The following DPP10 variants were observed in gnomAD, a reference collection of about 807,000 sequenced individuals.
The protein encoded by DPP10 is inactive dipeptidyl peptidase 10.
DPP10 carries 33 observed loss-of-function variants against 120.9 expected under a neutral mutation model. That is an observed-to-expected ratio of 0.27 (90% CI 0.21 to 0.37). The LOEUF (loss-of-function observed/expected upper bound fraction) is 0.37. Among genes scored for constraint, DPP10 ranks in the 10% least tolerant of loss-of-function variants. The probability of loss-of-function intolerance (pLI) is 1.00; values close to 1 mark genes in which losing one functional copy is unlikely to be tolerated. For synonymous variants in DPP10, 337 were observed against 326.1 expected, an observed-to-expected ratio of 1.03 and a Z score of -0.36; for missense variants, 816 against 942.8, an observed-to-expected ratio of 0.87 and a Z score of 1.76.
At chr2:115,251,067 G>A (rs1473752742) in intron 1 of DPP10, among the ~76,000 whole-genome samples, 1 of 152,188 alleles carries the variant, frequency 6.6e-6, no homozygotes, top group Non-Finnish European at 1.5e-5. Flanking sequence ...TGTGGGAAGT[G>A]CAGTCAGAAA....
intron 1 of DPP10, among the ~76,000 whole-genome samples, chr2:114,951,535 G>T (rs1697784226): frequency 6.6e-6 from 1 of 152,054 alleles, no homozygotes; most frequent in Non-Finnish European, 1.5e-5. Flanking sequence ...TAAGTTATTA[G>T]ATATAAATCT....
At chr2:115,042,802 A>T (rs1331583258) in intron 1 of DPP10, among the ~76,000 whole-genome samples, 1 of 152,136 alleles carries the variant, frequency 6.6e-6, no homozygotes, top group Non-Finnish European at 1.5e-5. Flanking sequence ...CTATGTTGAT[A>T]TTTCCTTACT....
chr2:114,712,577 G>A (rs1265566737), intron 1 of DPP10, among the ~76,000 whole-genome samples: 3 of 152,114 alleles, frequency 2.0e-5, no homozygotes, highest in African/African-American at 7.2e-5. Flanking sequence ...TTGACATTTA[G>A]AACACCTACT....
At chr2:115,441,794 A>G (rs1224527020) in intron 3 of DPP10, among the ~76,000 whole-genome samples, 1 of 150,560 alleles carries the variant, frequency 6.6e-6, no homozygotes, top group African/African-American at 2.4e-5. Flanking sequence ...CTATGTCAAG[A>G]CAAGTTTCTT....
chr2:114,798,220 C>A (rs895048023), intron 1 of DPP10, among the ~76,000 whole-genome samples: 1 of 151,938 alleles, frequency 6.6e-6, no homozygotes, highest in African/African-American at 2.4e-5. Flanking sequence ...GGGGAGCATT[C>A]ATGGAAAAAT....
intron 1 of DPP10, among the ~76,000 whole-genome samples, chr2:114,663,694 G>A (rs935353785): frequency 6.8e-6 from 1 of 148,002 alleles, no homozygotes; most frequent in African/African-American, 2.5e-5. Context: ...GAGAGAGAGA[G>A]AGAAACTGAC....
chr2:114,820,545 G>A (rs1378184899), intron 1 of DPP10, among the ~76,000 whole-genome samples: 1 of 152,206 alleles, frequency 6.6e-6, no homozygotes, highest in Non-Finnish European at 1.5e-5. Context: ...ATAAAGGAAA[G>A]AAGTTTAATT....
At chr2:114,895,299 G>C (rs1290423672) in intron 1 of DPP10, among the ~76,000 whole-genome samples, 1 of 152,206 alleles carries the variant, frequency 6.6e-6, no homozygotes, top group Non-Finnish European at 1.5e-5. Flanking sequence ...GGATGACAAT[G>C]GTCGAAGAAT....
chr2:114,790,494 G>A (rs936411276), intron 1 of DPP10, among the ~76,000 whole-genome samples: 20 of 152,154 alleles, frequency 1.3e-4, no homozygotes, highest in Admixed American at 3.9e-4. Context: ...GTGTGAAGAG[G>A]CCACCAAACA....
chr2:115,436,554 C>T (rs1436991802), intron 3 of DPP10, among the ~76,000 whole-genome samples: 5 of 151,774 alleles, frequency 3.3e-5, no homozygotes, highest in Non-Finnish European at 7.4e-5. Flanking sequence ...GATTCTTAAG[C>T]ACACTCATTA....
chr2:115,512,417 C>G (rs1350775325), intron 4 of DPP10, among the ~76,000 whole-genome samples: 3 of 152,044 alleles, frequency 2.0e-5, no homozygotes, highest in Non-Finnish European at 1.5e-5. Context: ...AGATATGAGC[C>G]ACTGCACCTG....
chr2:114,954,086 T>TTTTC (rs1302499457), intron 1 of DPP10, among the ~76,000 whole-genome samples: 1 of 147,460 alleles, frequency 6.8e-6, no homozygotes, highest in Non-Finnish European at 1.5e-5. Flanking sequence ...AGTCCTTTTT[T>TTTTC]TTTTTTTTTT....
intron 5 of DPP10, among the ~76,000 whole-genome samples, chr2:115,585,640 G>A (rs2082244734): frequency 6.6e-6 from 1 of 152,112 alleles, no homozygotes; most frequent in African/African-American, 2.4e-5. Flanking sequence ...CTTGTCCACA[G>A]TTATGTGAGC....
In DPP10 at chr2:114,496,998, A is replaced by ATATATATATATAATATGTATATATGTGTG. The variant is rs1682578634; in HGVS notation, c.60+54169_60+54197dup. On this transcript the variant is annotated intron_variant, in intron 1 of 25. Coordinates refer to ENST00000410059, the MANE Select transcript of DPP10 (RefSeq NM_020868.6). ...GGAGACCCTCTCACCATACACAGAC[A>ATATATATATATAATATGTATATATGTGTG]TATATATATATAATATGTATATATG... is the stretch of plus-strand genomic sequence containing the variant. Among the ~76,000 whole-genome samples, 3 of 131,156 alleles carry ATATATATATATAATATGTATATATGTGTG rather than the reference A, an allele frequency of 2.3e-5. No individual in the cohort carries two copies. In the East Asian group the frequency reaches 6.0e-4, roughly 26 times the overall value. 86.0% of individuals were successfully genotyped at this position (131,156 alleles called of 152,430 possible).
rs58259672 is a variant in DPP10, at chr2:114,891,609, C to T, written c.61-417630C>T. On this transcript the variant is annotated intron_variant, in intron 1 of 25. Coordinates refer to ENST00000410059, the MANE Select transcript of DPP10 (RefSeq NM_020868.6). ...GAATAAAACATTCCTCATAATTGTG[C>T]CCATGCTTAAAGCCATTGCCACCAG... is the stretch of plus-strand genomic sequence containing the variant. Among the ~76,000 whole-genome samples, 29 of 152,264 alleles carry T rather than the reference C, an allele frequency of 1.9e-4. No individual in the cohort carries two copies. The East Asian group carries it at 5.0e-3, about 26-fold the overall frequency.
chr2:115,766,284 A>ATGTGTGTGTGTGTGTGTG (rs1367029368), intron 12 of DPP10, among the ~76,000 whole-genome samples: 2 of 50,228 alleles, frequency 4.0e-5, no homozygotes, highest in East Asian at 1.7e-3. Flanking sequence ...CTCATTATAT[A>ATGTGTGTGTGTGTGTGTG]TATGTGTGTG....
At chr2:115,318,562 T>A (rs1417330503) in intron 2 of DPP10, among the ~76,000 whole-genome samples, 1 of 152,126 alleles carries the variant, frequency 6.6e-6, no homozygotes, top group Admixed American at 6.6e-5. Flanking sequence ...ATATGGAATG[T>A]CTTTTCATTC....
intron 1 of DPP10, among the ~76,000 whole-genome samples, chr2:114,890,404 G>A (rs1375375539): frequency 2.6e-5 from 4 of 152,002 alleles, no homozygotes; most frequent in African/African-American, 4.8e-5. Flanking sequence ...CCCACTAATC[G>A]CCTTTCCCCA....
chr2:114,527,439 C>G (rs1685594953), intron 1 of DPP10, among the ~76,000 whole-genome samples: 1 of 152,044 alleles, frequency 6.6e-6, no homozygotes, highest in South Asian at 2.1e-4. Context: ...GTGTGATTGG[C>G]CTGGTTTTCT....
Sources: allele counts gnomAD v4.1 joint callset (sites outside exome capture counted in the v4.1 genomes callset), GRCh38; gene constraint gnomAD v4.1.1; transcripts MANE v1.5; gene names NCBI Gene and HGNC (gene_info 2026-07-23, HGNC 2026-07-21).